HTR1F: variants seen among roughly 807,000 people sequenced by gnomAD.
The protein encoded by HTR1F is 5-hydroxytryptamine receptor 1F.
A neutral mutation model predicts 24.0 loss-of-function variants in HTR1F; 17 were observed. The ratio of observed to expected loss-of-function variants is 0.71; its 90% CI spans 0.48 to 1.06. The LOEUF (loss-of-function observed/expected upper bound fraction) is 1.06. HTR1F is among the 50% of genes least tolerant of loss of function. The pLI, the probability that HTR1F is intolerant of heterozygous loss-of-function variation, is 0.00. For missense variants in HTR1F, 391 were observed against 427.8 expected, an observed-to-expected ratio of 0.91 and a Z score of 0.76; for synonymous variants, 186 against 156.8, an observed-to-expected ratio of 1.19 and a Z score of -1.39.
chr3:87,826,576 C>T (rs935123106), intron 2 of HTR1F, among the ~76,000 whole-genome samples: 2 of 152,152 alleles, frequency 1.3e-5, no homozygotes, highest in Non-Finnish European at 2.9e-5. Context: ...ATCAGCTTCT[C>T]TATAAAGCAT....
chr3:87,874,121 T>C (rs1575972629), intron 2 of HTR1F, among the ~76,000 whole-genome samples: 1 of 152,202 alleles, frequency 6.6e-6, no homozygotes, highest in Middle Eastern at 3.4e-3. Context: ...ATGGAGTTCC[T>C]AGCCAGAGCA....
At chr3:87,861,833 A>G (rs1176157810) in intron 2 of HTR1F, among the ~76,000 whole-genome samples, 1 of 152,112 alleles carries the variant, frequency 6.6e-6, no homozygotes. Context: ...TTGTTAGACA[A>G]GTGCTCTAGG....
chr3:87,940,984 G>A (rs982605663), intron 2 of HTR1F, among the ~76,000 whole-genome samples: 7 of 152,196 alleles, frequency 4.6e-5, no homozygotes, highest in African/African-American at 1.7e-4. Flanking sequence ...CCAACCCTTT[G>A]CCACTACATC....
chr3:87,870,911 G>A (rs1705539820), intron 2 of HTR1F, among the ~76,000 whole-genome samples: 1 of 151,798 alleles, frequency 6.6e-6, no homozygotes, highest in Non-Finnish European at 1.5e-5. Context: ...TGGGATGATA[G>A]GTGAAAGTCT....
chr3:87,941,481 G>A (rs1468691703), intron 2 of HTR1F, among the ~76,000 whole-genome samples: 12 of 152,160 alleles, frequency 7.9e-5, no homozygotes, highest in East Asian at 3.9e-4. Context: ...ATTTAAGAGC[G>A]CTTGGGTGGC....
At chr3:87,898,162 G>T (rs982966617) in intron 2 of HTR1F, among the ~76,000 whole-genome samples, 2 of 152,048 alleles carry the variant, frequency 1.3e-5, no homozygotes, top group African/African-American at 2.4e-5. Flanking sequence ...GAACAAGATG[G>T]GCTAAAAATA....
intron 2 of HTR1F, among the ~76,000 whole-genome samples, chr3:87,824,752 T>C (rs1248331525): frequency 6.6e-6 from 1 of 152,202 alleles, no homozygotes; most frequent in Non-Finnish European, 1.5e-5. Flanking sequence ...CTTTACGAAA[T>C]ACATTCTTGG....
intron 2 of HTR1F, among the ~76,000 whole-genome samples, chr3:87,957,510 G>A (rs1205275463): frequency 1.3e-5 from 2 of 151,102 alleles, no homozygotes; most frequent in Non-Finnish European, 3.0e-5. Flanking sequence ...ATTTACTCAA[G>A]GCATTTGTAT....
intron 2 of HTR1F, among the ~76,000 whole-genome samples, chr3:87,893,547 T>C (rs1351827011): frequency 6.6e-6 from 1 of 152,200 alleles, no homozygotes; most frequent in African/African-American, 2.4e-5. Flanking sequence ...CTGCTAGAGG[T>C]AGGCACAATG....
intron 1 of HTR1F, among the ~76,000 whole-genome samples, chr3:87,801,455 G>T (rs143948746): frequency 6.6e-6 from 1 of 152,314 alleles, no homozygotes; most frequent in Non-Finnish European, 1.5e-5. Flanking sequence ...AAGTCCTGAC[G>T]ACATGTGCCC....
intron 2 of HTR1F, among the ~76,000 whole-genome samples, chr3:87,912,462 A>C (rs1703799218): frequency 6.6e-6 from 1 of 152,032 alleles, no homozygotes; most frequent in Non-Finnish European, 1.5e-5. Context: ...TCATGGATAG[A>C]AAGAACCAAT....
chr3:87,852,795 G>T (rs1392780767), intron 2 of HTR1F, among the ~76,000 whole-genome samples: 2 of 151,608 alleles, frequency 1.3e-5, no homozygotes, highest in African/African-American at 2.4e-5. Flanking sequence ...TCTTCCGTGA[G>T]AAATTTGTTT....
chr3:87,933,501 CAA>C (rs1243429014), intron 2 of HTR1F, among the ~76,000 whole-genome samples: 1 of 152,186 alleles, frequency 6.6e-6, no homozygotes, highest in Non-Finnish European at 1.5e-5. Context: ...GCAACTTCAG[CAA>C]AGTCTCAGGA....
intron 2 of HTR1F, among the ~76,000 whole-genome samples, chr3:87,861,406 C>T (rs377523412): frequency 3.9e-5 from 6 of 152,126 alleles, no homozygotes; most frequent in Admixed American, 2.0e-4. Context: ...AGAGCTTTAC[C>T]TCCTGAAAAT....
At chr3:87,947,859 C>T (rs1704745905) in intron 2 of HTR1F, among the ~76,000 whole-genome samples, 2 of 151,986 alleles carry the variant, frequency 1.3e-5, no homozygotes, top group Non-Finnish European at 2.9e-5. Context: ...GCTAATATAT[C>T]TTTCTTAACA....
At chr3:87,891,935 AG>A (rs1206552209) in intron 2 of HTR1F, among the ~76,000 whole-genome samples, 2 of 152,200 alleles carry the variant, frequency 1.3e-5, no homozygotes, top group Non-Finnish European at 2.9e-5. Flanking sequence ...AGATGACTTA[AG>A]GCAAGCTCAT....
At chr3:87,906,381 C>T (rs1334276222) in intron 2 of HTR1F, among the ~76,000 whole-genome samples, 1 of 151,966 alleles carries the variant, frequency 6.6e-6, no homozygotes, top group East Asian at 1.9e-4. Flanking sequence ...ATAAATATTT[C>T]TGTAATTCCT....
intron 2 of HTR1F, among the ~76,000 whole-genome samples, chr3:87,984,510 C>T (rs2107517987): frequency 6.6e-6 from 1 of 152,182 alleles, no homozygotes; most frequent in South Asian, 2.1e-4. Flanking sequence ...GTTGCCCAAG[C>T]TGGAGCGCAT....
In HTR1F at chr3:87,933,743, T is replaced by C. The variant is rs546868770; in HGVS notation, c.-42-56965T>C. ...TGGAAGAACATTCCATGCTCATGGGTAGGAAGAATCAATATTATGAAAATG... is the reference window on the plus strand; with the variant it reads ...TGGAAGAACATTCCATGCTCATGGGCAGGAAGAATCAATATTATGAAAATG... On this transcript the variant is annotated intron_variant, in intron 2 of 2. Transcript: ENST00000319595. Among the ~76,000 whole-genome samples, 8 of 152,280 alleles carry C rather than the reference T, an allele frequency of 5.3e-5. No individual in the cohort carries two copies. In the South Asian group the frequency reaches 1.7e-3, roughly 32 times the overall value.
Sources: gnomAD v4.1 joint callset for allele counts (sites outside exome capture counted in the v4.1 genomes callset) on GRCh38, gnomAD v4.1.1 for gene constraint, MANE v1.5 for transcripts, NCBI Gene and HGNC (gene_info 2026-07-23, HGNC 2026-07-21) for gene names.